Variants in BCL9 observed in about 807,000 individuals in gnomAD.
The protein encoded by BCL9 is B-cell CLL/lymphoma 9 protein.
BCL9 carries 25 observed loss-of-function variants against 88.5 expected under a neutral mutation model. The ratio of observed to expected loss-of-function variants is 0.28; its 90% CI spans 0.21 to 0.39. The LOEUF is 0.39. BCL9 is among the 10% of genes least tolerant of loss of function. The pLI is 1.00. For synonymous variants in BCL9, 711 were observed against 673.3 expected (o/e 1.06, Z -0.87); for missense variants, 1,817 against 1,877.8 (o/e 0.97, Z 0.60).
chr1:147,612,754 G>A (rs1442369153), intron 4 of BCL9, 129 bp from the exon 5 acceptor site: 2 of 863,124 alleles, frequency 2.3e-6, no homozygotes, highest in East Asian at 2.7e-5. Context: ...AAATGGCTGA[G>A]GTGAATCATG....
chr1:147,564,072 G>A (rs1553196410), intron 1 of BCL9, among the ~76,000 whole-genome samples: 1 of 152,136 alleles, frequency 6.6e-6, no homozygotes, highest in African/African-American at 2.4e-5. Flanking sequence ...CTTCGAACGT[G>A]GATGTGACTT....
intron 2 of BCL9, 143 bp downstream of exon 2, chr1:147,605,054 A>G (rs1464253923): frequency 2.0e-5 from 3 of 152,264 alleles, no homozygotes; most frequent in African/African-American, 7.2e-5. Flanking sequence ...AAAGTCATCA[A>G]ACTAAATGCA....
At chr1:147,595,604 C>T (rs782151387) in intron 1 of BCL9, among the ~76,000 whole-genome samples, 21 of 152,206 alleles carry the variant, frequency 1.4e-4, no homozygotes, top group Non-Finnish European at 2.5e-4. Flanking sequence ...AATACTAACC[C>T]TTTGGTAGGC....
rs781892615 is a variant in BCL9, at chr1:147,619,696, C to T, written c.1541C>T (p.Pro514Leu). ...QHGPRGVVRG[P>L]PPPYQMTPSE... is the part of the protein sequence containing the mutation. The stretch of plus-strand genomic sequence containing the variant: ...GGGCCTCGGGGAGTGGTCCGAGGAC[C>T]CCCCCCTCCATACCAGATGACCCCT... Residue 514 changes from proline to leucine, a missense_variant, in exon 8 of 10, where the codon CCC becomes CTC. Around this residue, in one of 2 missense-constraint regions of BCL9, gnomAD observed 1,228 missense variants for 1,191.6 expected, o/e 1.03. Transcript: ENST00000234739. The surrounding 1 kb of genome is among the most constrained non-coding windows in gnomAD (Gnocchi z 4.1). The T allele has an allele frequency of 6.2e-7, 1 of 1,613,908 alleles. No individual in the cohort carries two copies. Among genetic ancestry groups the T allele is most frequent in the Non-Finnish European group, 8.5e-7 (1 of 1,179,990 alleles).
At position 147,620,759 on chromosome 1, in the gene BCL9, G is replaced by A. The variant is rs782266384; in HGVS notation, c.2604G>A (p.Met868Ile). 1.9e-6 allele frequency: 3 copies of A among 1,614,074 alleles called. No individual in the cohort carries two copies. The Admixed American group carries it at 5.0e-5, about 27-fold the overall frequency. ...PGINPLKSPTMHQVQSPMLGS... is the reference protein window; with the variant it reads ...PGINPLKSPTIHQVQSPMLGS... ...TTAACCCTCTGAAGTCTCCCACGAT[G>A]CACCAAGTCCAGTCACCAATGCTGG... The change falls in exon 8 of 10, where the codon ATG (methionine) becomes ATA (isoleucine). Residue 868 changes from methionine (M) to isoleucine (I), a missense_variant. Transcript: ENST00000234739.
chr1:147,612,009 GA>G, intron 4 of BCL9, 120 bp downstream of exon 4: 2 of 1,038,270 alleles, frequency 1.9e-6, no homozygotes, highest in Non-Finnish European at 2.9e-6. Flanking sequence ...AATGGGAAAG[GA>G]AGAGAAAATA....
intron 1 of BCL9, among the ~76,000 whole-genome samples, chr1:147,574,639 C>A (rs369019432): frequency 1.3e-5 from 2 of 152,102 alleles, no homozygotes; most frequent in Admixed American, 6.5e-5. Flanking sequence ...GAGTAATATC[C>A]GAGCAGGAAG....
chr1:147,590,060 G>A (rs1656784729), intron 1 of BCL9, among the ~76,000 whole-genome samples: 1 of 152,034 alleles, frequency 6.6e-6, no homozygotes, highest in Non-Finnish European at 1.5e-5. Context: ...GCTCACTGTA[G>A]ACCAGTGTCA....
chr1:147,599,657 T>C (rs887314372), intron 1 of BCL9, among the ~76,000 whole-genome samples: 1 of 151,914 alleles, frequency 6.6e-6, no homozygotes, highest in African/African-American at 2.4e-5. Context: ...CTCTGCCGCT[T>C]TAAGGGGGGA....
chr1:147,602,871 A>T (rs1657474347), intron 1 of BCL9, among the ~76,000 whole-genome samples: 1 of 152,192 alleles, frequency 6.6e-6, no homozygotes, highest in Non-Finnish European at 1.5e-5. Context: ...GTTCATGGTG[A>T]CTTGGTACAG....
chr1:147,599,400 G>C (rs1445728420), intron 1 of BCL9, among the ~76,000 whole-genome samples: 1 of 152,206 alleles, frequency 6.6e-6, no homozygotes, highest in Non-Finnish European at 1.5e-5. Context: ...CAGCAGGGAA[G>C]AGTGAGGGAA....
At chr1:147,567,607 T>C (rs1312664840) in intron 1 of BCL9, among the ~76,000 whole-genome samples, 3 of 152,176 alleles carry the variant, frequency 2.0e-5, no homozygotes, top group African/African-American at 7.2e-5. Flanking sequence ...CAAAATTCAA[T>C]ATCTTTAAAG....
At chr1:147,567,281 T>C (rs587758146) in intron 1 of BCL9, among the ~76,000 whole-genome samples, 1 of 152,276 alleles carries the variant, frequency 6.6e-6, no homozygotes, top group Admixed American at 6.5e-5. Context: ...ATTGAAGAAA[T>C]CAAGTGAAAT....
chr1:147,590,717 G>T (rs1656811632), intron 1 of BCL9, among the ~76,000 whole-genome samples: 2 of 152,152 alleles, frequency 1.3e-5, no homozygotes, highest in South Asian at 4.1e-4. Flanking sequence ...GCAAATTAAG[G>T]ATAATTGTAG....
intron 1 of BCL9, among the ~76,000 whole-genome samples, chr1:147,589,083 C>T (rs587750354): frequency 6.6e-6 from 1 of 152,220 alleles, no homozygotes; most frequent in African/African-American, 2.4e-5. Flanking sequence ...CATATTAGCC[C>T]AGGCAAACCA....
At chr1:147,621,321 T>C (rs587767139) in intron 8 of BCL9, among the ~76,000 whole-genome samples, 33 of 152,296 alleles carry the variant, frequency 2.2e-4, no homozygotes, top group Middle Eastern at 3.4e-3. Context: ...CACAGAATAA[T>C]TTACATTCGC....
At chr1:147,575,747 T>C (rs1289940797) in intron 1 of BCL9, among the ~76,000 whole-genome samples, 1 of 152,238 alleles carries the variant, frequency 6.6e-6, no homozygotes, top group Admixed American at 6.5e-5. Context: ...AGCCTGATGT[T>C]ATAATTTAGA....
chr1:147,603,678 A>AT (rs1249136306), intron 1 of BCL9, among the ~76,000 whole-genome samples: 147,908 of 148,816 alleles, frequency 0.99, 73,502 homozygotes, highest in Middle Eastern at 1. Flanking sequence ...ATTTTTGTAA[A>AT]TTTTTTTTTT....
At position 147,619,118 on chromosome 1, in the gene BCL9, C is replaced by T. The variant is rs1210675294; in HGVS notation, c.963C>T (p.Ser321=). 2 of 1,613,822 alleles carry T rather than the reference C, an allele frequency of 1.2e-6. No homozygotes were observed. Among genetic ancestry groups the T allele is most frequent in the Non-Finnish European group, 1.7e-6 (2 of 1,179,878 alleles). ...NRAVTPVSQG[S]NSSSADPKAP... ...CAGTGACCCCTGTCTCCCAGGGGAG[C>T]AATAGCTCTTCAGCAGATCCCAAAG... Residue 321 remains serine (S), a synonymous_variant, in exon 8 of 10, where the codon AGC becomes AGT. Transcript: ENST00000234739. This position sits in a 1 kb window ranked among gnomAD's most constrained non-coding sequence, Gnocchi z 4.1.
Sources: gnomAD v4.1 joint callset for allele counts (sites outside exome capture counted in the v4.1 genomes callset) on GRCh38, gnomAD v4.1.1 for gene constraint, gnomAD v4.1.1 regional missense constraint, Gnocchi (gnomAD v3.1) non-coding constraint, MANE v1.5 for transcripts, NCBI Gene and HGNC (gene_info 2026-07-23, HGNC 2026-07-21) for gene names.